The following SOX5 variants were observed in gnomAD, a reference collection of about 807,000 sequenced individuals.
SOX5 encodes transcription factor SOX-5.
A neutral mutation model predicts 92.0 loss-of-function variants in SOX5; 9 were observed. The observed-to-expected ratio is 0.10, with a 90% CI of 0.06 to 0.17. The LOEUF is 0.17. SOX5 is among the 10% of genes least tolerant of loss of function. The probability of loss-of-function intolerance (pLI) is 1.00; values close to 1 mark genes in which losing one functional copy is unlikely to be tolerated. For missense variants in SOX5, 642 were observed against 944.5 expected, an observed-to-expected ratio of 0.68 and a Z score of 4.20; for synonymous variants, 344 against 336.3, an observed-to-expected ratio of 1.02 and a Z score of -0.25.
At chr12:23,883,074 A>G (rs886815229) in intron 2 of SOX5, among the ~76,000 whole-genome samples, 9 of 136,090 alleles carry the variant, frequency 6.6e-5, no homozygotes, top group Non-Finnish European at 1.2e-4. Context: ...CCAGCTACTC[A>G]GGAGGCTGCG....
intron 2 of SOX5, among the ~76,000 whole-genome samples, chr12:23,846,910 G>T (rs1320886245): frequency 6.6e-6 from 1 of 152,058 alleles, no homozygotes; most frequent in Non-Finnish European, 1.5e-5. Flanking sequence ...ATAAAATAAG[G>T]TTTGTTGCAG....
At chr12:23,671,129 A>G (rs994773741) in intron 6 of SOX5, among the ~76,000 whole-genome samples, 5 of 152,328 alleles carry the variant, frequency 3.3e-5, no homozygotes, top group Non-Finnish European at 7.4e-5. Flanking sequence ...GAACTCCATG[A>G]TCTAAAGGAA....
At chr12:24,112,231 T>G (rs2138162572) in intron 4 of SOX5, among the ~76,000 whole-genome samples, 1 of 152,330 alleles carries the variant, frequency 6.6e-6, no homozygotes, top group Middle Eastern at 3.4e-3. Context: ...AGACCAGGGT[T>G]TGGCAAACTA....
At chr12:23,844,443 C>A (rs2096553053) in intron 3 of SOX5, among the ~76,000 whole-genome samples, 1 of 152,058 alleles carries the variant, frequency 6.6e-6, no homozygotes, top group African/African-American at 2.4e-5. Flanking sequence ...GTTAAGAATC[C>A]TATTAACCTC....
rs1420190015 is a variant in SOX5, at chr12:24,007,743, ATT to A, written c.-1-111721_-1-111720del. Among the ~76,000 whole-genome samples, 148 of 84,132 alleles carry A rather than the reference ATT, an allele frequency of 1.8e-3. 28 individuals are homozygous for A. Among genetic ancestry groups the A allele is most frequent in the South Asian group, 3.6e-3 (10 of 2,814 alleles). The allele number at this position is 84,132 out of a possible 152,430, so 55.2% of individuals were successfully genotyped here. A position where few individuals can be genotyped will look rare whatever the true frequency, so the allele number is the denominator to read the frequency against. ...AATGTATATAAATGTATATAAATAT[ATT>A]TATGTATATAAATGTATATAAATGT... On this transcript the variant is annotated intron_variant, in intron 4 of 4. Transcript: ENST00000446891.
rs71059935 is a variant in SOX5 at position 23,860,952 on chromosome 12, T to TAAAAA, written c.271-14764_271-14760dup. The stretch of plus-strand genomic sequence containing the variant: ...ATTTTGAAACACAAAGTATATTTTG[T>TAAAAA]AAAAAAAAAAAAAAAAAAAAAAAAA... On this transcript the variant is annotated intron_variant, in intron 2 of 14. Coordinates refer to ENST00000451604, the MANE Select transcript of SOX5 (RefSeq NM_006940.6). Among the ~76,000 whole-genome samples the TAAAAA allele has an allele frequency of 9.4e-4, 43 of 45,922 alleles. 1 individual carries two copies. The highest frequency in any genetic ancestry group is 3.5e-3 in the African/African-American group (42 of 12,150). The allele number at this position is 45,922 out of a possible 152,430, so 30.1% of individuals were successfully genotyped here.
chr12:23,693,236 G>C (rs1440044563), intron 6 of SOX5, among the ~76,000 whole-genome samples: 1 of 152,060 alleles, frequency 6.6e-6, no homozygotes, highest in Non-Finnish European at 1.5e-5. Flanking sequence ...CAATTTTCGT[G>C]CCTCAGCCTC....
intron 2 of SOX5, among the ~76,000 whole-genome samples, chr12:24,298,042 C>A (rs566936280): frequency 6.6e-6 from 1 of 152,214 alleles, no homozygotes; most frequent in African/African-American, 2.4e-5. Context: ...TCAAAAATTA[C>A]ATTATGTTCT....
intron 3 of SOX5, among the ~76,000 whole-genome samples, chr12:23,805,105 G>T (rs920234403): frequency 2.0e-5 from 3 of 151,058 alleles, no homozygotes; most frequent in African/African-American, 7.3e-5. Flanking sequence ...AGGAATGAAT[G>T]AACTCATTCA....
At chr12:24,287,872 G>T (rs532000718) in intron 2 of SOX5, among the ~76,000 whole-genome samples, 1 of 152,034 alleles carries the variant, frequency 6.6e-6, no homozygotes, top group African/African-American at 2.4e-5. Context: ...AATGCAGCAG[G>T]AAACAGGCAA....
chr12:23,821,739 A>T (rs1048579115), intron 3 of SOX5, among the ~76,000 whole-genome samples: 3 of 151,916 alleles, frequency 2.0e-5, no homozygotes, highest in Non-Finnish European at 4.4e-5. Context: ...TTTATTGAGG[A>T]TTTTCACATT....
intron 3 of SOX5, among the ~76,000 whole-genome samples, chr12:24,236,972 T>A (rs1964641551): frequency 6.6e-6 from 1 of 151,946 alleles, no homozygotes; most frequent in Non-Finnish European, 1.5e-5. Flanking sequence ...AAACAGGGCA[T>A]CAGTTGGGAA....
At chr12:24,089,232 A>G (rs978942514) in intron 4 of SOX5, among the ~76,000 whole-genome samples, 4 of 152,136 alleles carry the variant, frequency 2.6e-5, no homozygotes, top group South Asian at 2.1e-4. Context: ...TCCTCCATAT[A>G]TAGGAAAGAG....
At chr12:24,104,845 C>T (rs910273705) in intron 4 of SOX5, among the ~76,000 whole-genome samples, 9 of 152,172 alleles carry the variant, frequency 5.9e-5, no homozygotes, top group East Asian at 1.9e-4. Context: ...TTTTATTCCA[C>T]GACAGCCAAA....
At chr12:24,512,943 A>C (rs180940807) in intron 1 of SOX5, among the ~76,000 whole-genome samples, 140 of 152,328 alleles carry the variant, frequency 9.2e-4, no homozygotes, top group African/African-American at 3.1e-3. Flanking sequence ...CGATGGTTGC[A>C]CTTACGATTT....
At chr12:23,859,825 G>C (rs957805727) in intron 2 of SOX5, among the ~76,000 whole-genome samples, 1 of 152,022 alleles carries the variant, frequency 6.6e-6, no homozygotes, top group African/African-American at 2.4e-5. Flanking sequence ...AGGGAAAATA[G>C]AAAAGAACCT....
chr12:24,470,974 C>T (rs1597059393), intron 1 of SOX5, among the ~76,000 whole-genome samples: 1 of 152,134 alleles, frequency 6.6e-6, no homozygotes, highest in South Asian at 2.1e-4. Flanking sequence ...TTAACTTTAA[C>T]TTTCATGAAG....
chr12:23,763,763 A>G (rs759652255), intron 3 of SOX5, among the ~76,000 whole-genome samples: 30 of 152,120 alleles, frequency 2.0e-4, no homozygotes, highest in Non-Finnish European at 4.1e-4. Context: ...GTGAAAGAGA[A>G]CAACAAATAG....
intron 4 of SOX5, among the ~76,000 whole-genome samples, chr12:23,746,055 C>T (rs946281334): frequency 6.6e-6 from 1 of 152,002 alleles, no homozygotes; most frequent in South Asian, 2.1e-4. Context: ...GAGAGTTGAG[C>T]CAAAAAAATA....
Sources: allele counts gnomAD v4.1 joint callset (sites outside exome capture counted in the v4.1 genomes callset), GRCh38; gene constraint gnomAD v4.1.1; transcripts MANE v1.5; gene names NCBI Gene and HGNC (gene_info 2026-07-23, HGNC 2026-07-21).